The following NSMCE2 variants were observed in gnomAD, a reference collection of about 807,000 sequenced individuals.
NSMCE2 encodes NSE2 SUMO ligase component of SMC5/6 complex, also known as E3 SUMO-protein ligase NSE2.
In NSMCE2, 24 loss-of-function variants were observed where a neutral mutation model predicts 23.8. The ratio of observed to expected loss-of-function variants is 1.01; its 90% confidence interval spans 0.73 to 1.42. The LOEUF (loss-of-function observed/expected upper bound fraction) is 1.42, where lower values mean the gene tolerates loss of function less well. Ranked by LOEUF, NSMCE2 falls within the 40% of genes most tolerant of loss-of-function variation. The pLI, the probability that NSMCE2 is intolerant of heterozygous loss-of-function variation, is 0.00. For missense variants in NSMCE2, 284 were observed against 296.5 expected (o/e 0.96, Z 0.31); for synonymous variants, 92 against 94.1 (o/e 0.98, Z 0.13).
At chr8:125,304,015 G>A (rs1828661622) in intron 5 of NSMCE2, among the ~76,000 whole-genome samples, 1 of 152,156 alleles carries the variant, frequency 6.6e-6, no homozygotes, top group Admixed American at 6.6e-5. Context: ...TCATACATGA[G>A]ATTTTCATCT....
intron 5 of NSMCE2, among the ~76,000 whole-genome samples, chr8:125,207,686 A>G (rs887667749): frequency 2.6e-5 from 4 of 152,168 alleles, no homozygotes; most frequent in African/African-American, 7.2e-5. Flanking sequence ...TGGCTTTGTC[A>G]TTTGGATGGG....
intron 4 of NSMCE2, among the ~76,000 whole-genome samples, chr8:125,179,617 A>G (rs1822693522): frequency 6.6e-6 from 1 of 152,270 alleles, no homozygotes; most frequent in South Asian, 2.1e-4. Context: ...CTTTCAGAGA[A>G]GACATTTACA....
intron 1 of NSMCE2, among the ~76,000 whole-genome samples, chr8:125,100,588 G>A (rs921978114): frequency 3.3e-5 from 5 of 151,832 alleles, no homozygotes; most frequent in South Asian, 2.1e-4. Flanking sequence ...TTGAGACCGC[G>A]TCTTGCTCTG....
chr8:125,361,949 T>C (rs1460834163), intron 7 of NSMCE2, among the ~76,000 whole-genome samples: 1 of 152,184 alleles, frequency 6.6e-6, no homozygotes, highest in Non-Finnish European at 1.5e-5. Context: ...CCCAGAATCA[T>C]GTACTTTTGA....
chr8:125,125,768 G>T (rs963626518), intron 3 of NSMCE2, among the ~76,000 whole-genome samples: 1 of 152,322 alleles, frequency 6.6e-6, no homozygotes, highest in South Asian at 2.1e-4. Context: ...GAGCTTATGA[G>T]TCAGAGACAA....
chr8:125,299,843 G>A (rs1828486255), intron 5 of NSMCE2, among the ~76,000 whole-genome samples: 1 of 100,462 alleles, frequency 1.0e-5, no homozygotes, highest in Admixed American at 1.6e-4. Flanking sequence ...TCTTGAGACA[G>A]AGTCTCACTC....
intron 5 of NSMCE2, among the ~76,000 whole-genome samples, chr8:125,272,886 T>G (rs1269197557): frequency 6.6e-6 from 1 of 150,828 alleles, no homozygotes; most frequent in African/African-American, 2.4e-5. Context: ...CGTGTGTGTA[T>G]ATATATATAA....
At chr8:125,320,287 AGGAAGGAAGGAAGGAAGGAAG>A (rs1294688918) in intron 5 of NSMCE2, among the ~76,000 whole-genome samples, 5 of 96,646 alleles carry the variant, frequency 5.2e-5, no homozygotes, top group African/African-American at 1.6e-4. Context: ...GAAGGAAGGA[AGGAAGGAAGGAAGGAAGGAAG>A]GGAAGGGAAG....
chr8:125,123,394 T>C (rs1193387708), intron 3 of NSMCE2, among the ~76,000 whole-genome samples: 1 of 152,242 alleles, frequency 6.6e-6, no homozygotes, highest in African/African-American at 2.4e-5. Flanking sequence ...TATAAAGATA[T>C]GGAGATATCA....
chr8:125,141,228 A>G (rs1216210618), intron 3 of NSMCE2, among the ~76,000 whole-genome samples: 2 of 152,168 alleles, frequency 1.3e-5, no homozygotes, highest in Non-Finnish European at 2.9e-5. Context: ...GGTCTCCATC[A>G]CTCTGAGGTA....
chr8:125,229,022 T>TTG (rs1416782242), intron 5 of NSMCE2, among the ~76,000 whole-genome samples: 1 of 152,182 alleles, frequency 6.6e-6, no homozygotes, highest in Non-Finnish European at 1.5e-5. Flanking sequence ...TTGGGACTAT[T>TTG]TTGTATGTGT....
chr8:125,335,010 C>A (rs1025696531), intron 5 of NSMCE2, among the ~76,000 whole-genome samples: 1 of 151,986 alleles, frequency 6.6e-6, no homozygotes, highest in Non-Finnish European at 1.5e-5. Flanking sequence ...CCCACCTCAG[C>A]CTCCCAAATT....
At chr8:125,155,872 A>G in intron 4 of NSMCE2, 1 of 424,192 alleles carries the variant, frequency 2.4e-6, no homozygotes, top group South Asian at 1.7e-5. Context: ...AGTCCTTGCA[A>G]TGTTTTTCTA....
At chr8:125,243,481 T>G (rs1020668981) in intron 5 of NSMCE2, among the ~76,000 whole-genome samples, 7 of 147,472 alleles carry the variant, frequency 4.7e-5, no homozygotes, top group Non-Finnish European at 8.9e-5. Flanking sequence ...TGAAGCAACC[T>G]TGCAAAAATA....
chr8:125,280,261 T>TA (rs1326334692), intron 5 of NSMCE2, among the ~76,000 whole-genome samples: 1 of 152,236 alleles, frequency 6.6e-6, no homozygotes, highest in Non-Finnish European at 1.5e-5. Flanking sequence ...ATTGTAAACT[T>TA]AGTCTTGTGT....
intron 3 of NSMCE2, among the ~76,000 whole-genome samples, chr8:125,120,138 A>T (rs1348938275): frequency 6.6e-6 from 1 of 152,182 alleles, no homozygotes; most frequent in African/African-American, 2.4e-5. Flanking sequence ...CTTACAGTAC[A>T]TGTCAACCTG....
chr8:125,326,765 G>T (rs2131285797), intron 5 of NSMCE2, among the ~76,000 whole-genome samples: 1 of 151,566 alleles, frequency 6.6e-6, no homozygotes, highest in Admixed American at 6.6e-5. Context: ...AGACAGGCCT[G>T]GCCAATGTGG....
At chr8:125,320,255 A>AG (rs1266370809) in intron 5 of NSMCE2, among the ~76,000 whole-genome samples, 20 of 49,532 alleles carry the variant, frequency 4.0e-4, no homozygotes, top group East Asian at 8.6e-4. Context: ...GAGGGAGGGA[A>AG]GGAAGGAAGG....
intron 5 of NSMCE2, among the ~76,000 whole-genome samples, chr8:125,196,053 A>G (rs932342743): frequency 6.6e-6 from 1 of 150,998 alleles, no homozygotes; most frequent in Admixed American, 6.6e-5. Context: ...GCTGATTTTT[A>G]TATTTTTAGT....
Sources: allele counts gnomAD v4.1 joint callset (sites outside exome capture counted in the v4.1 genomes callset), GRCh38; gene constraint gnomAD v4.1.1; transcripts MANE v1.5; gene names NCBI Gene and HGNC (gene_info 2026-07-23, HGNC 2026-07-21).